Variants in RORB observed in about 807,000 individuals in gnomAD.
The protein encoded by RORB is nuclear receptor ROR-beta.
A neutral mutation model predicts 59.1 loss-of-function variants in RORB; 6 were observed. The observed-to-expected ratio is 0.10, with a 90% CI of 0.06 to 0.20. The LOEUF (loss-of-function observed/expected upper bound fraction) is 0.20. Among genes scored for constraint, RORB ranks in the 10% least tolerant of loss-of-function variants. RORB has a pLI of 1.00. For missense variants in RORB, 320 were observed against 560.5 expected, an observed-to-expected ratio of 0.57 and a Z score of 4.33; for synonymous variants, 215 against 204.5, an observed-to-expected ratio of 1.05 and a Z score of -0.44.
At chr9:74,608,942 A>AT (rs1823190890) in intron 1 of RORB, among the ~76,000 whole-genome samples, 1 of 152,218 alleles carries the variant, frequency 6.6e-6, no homozygotes, top group African/African-American at 2.4e-5. Flanking sequence ...GCCAATACAG[A>AT]TTTGACAGAA....
intron 1 of RORB, among the ~76,000 whole-genome samples, chr9:74,595,844 G>A (rs1822962894): frequency 6.6e-6 from 1 of 152,106 alleles, no homozygotes; most frequent in African/African-American, 2.4e-5. Flanking sequence ...TTACTCTATT[G>A]GGGGCACCTA....
At chr9:74,669,127 C>A (rs1211243002) in intron 8 of RORB, among the ~76,000 whole-genome samples, 2 of 152,174 alleles carry the variant, frequency 1.3e-5, no homozygotes, top group Non-Finnish European at 2.9e-5. Context: ...TTAAAGAATT[C>A]AAGGTGTGGC....
At chr9:74,585,784 A>ATAGTTATTTATTTATTTATT (rs1822788991) in intron 1 of RORB, among the ~76,000 whole-genome samples, 1 of 145,020 alleles carries the variant, frequency 6.9e-6, no homozygotes, top group Admixed American at 6.9e-5. Flanking sequence ...TTCACAGGGG[A>ATAGTTATTTATTTATTTATT]TATTTATTTA....
intron 1 of RORB, among the ~76,000 whole-genome samples, chr9:74,605,939 A>G (rs1034495132): frequency 1.3e-5 from 2 of 152,168 alleles, no homozygotes; most frequent in African/African-American, 4.8e-5. Context: ...GAGGTGGGTC[A>G]GGGAATTTGT....
intron 1 of RORB, among the ~76,000 whole-genome samples, chr9:74,546,314 C>A (rs1018489718): frequency 6.6e-6 from 1 of 152,042 alleles, no homozygotes; most frequent in African/African-American, 2.4e-5. Flanking sequence ...ATTGCTGAAG[C>A]AGCTGATATC....
chr9:74,593,828 C>A (rs1436345173), intron 1 of RORB, among the ~76,000 whole-genome samples: 1 of 152,132 alleles, frequency 6.6e-6, no homozygotes, highest in African/African-American at 2.4e-5. Flanking sequence ...TAAAGCATGG[C>A]CATCTGGTGC....
chr9:74,604,326 A>G (rs1206869732), intron 1 of RORB, among the ~76,000 whole-genome samples: 1 of 152,196 alleles, frequency 6.6e-6, no homozygotes, highest in African/African-American at 2.4e-5. Flanking sequence ...CAGAATAAGC[A>G]CTTTTCTAAA....
intron 1 of RORB, among the ~76,000 whole-genome samples, chr9:74,535,952 G>A (rs1826316768): frequency 6.6e-6 from 1 of 152,018 alleles, no homozygotes; most frequent in African/African-American, 2.4e-5. Flanking sequence ...ATAAGGGATA[G>A]TAGGTCCTGG....
chr9:74,614,381 CT>C lies in RORB; in HGVS notation c.8-15893del, dbSNP rs558813750. Among the ~76,000 whole-genome samples, 932 of 151,408 alleles carry C rather than the reference CT, an allele frequency of 6.2e-3. 9 individuals carry two copies. The highest frequency in any genetic ancestry group is 0.021 in the South Asian group (102 of 4,772). ...ACTTTTTTAAATTAAAAGACAACCT[CT>C]TTTTTTTAAAAAAAAGCCATTTGTC... On this transcript the variant is annotated intron_variant, in intron 1 of 9. Transcript: ENST00000376896.
intron 1 of RORB, among the ~76,000 whole-genome samples, chr9:74,595,100 C>A (rs1351329483): frequency 6.6e-6 from 1 of 152,194 alleles, no homozygotes; most frequent in Non-Finnish European, 1.5e-5. Context: ...GTCCCAGAAA[C>A]ATAAGGTATG....
At chr9:74,599,747 CAGAACT>C (rs1823026056) in intron 1 of RORB, among the ~76,000 whole-genome samples, 1 of 152,202 alleles carries the variant, frequency 6.6e-6, no homozygotes, top group South Asian at 2.1e-4. Context: ...GTGGCAGGGC[CAGAACT>C]CTGACTCCAT....
intron 1 of RORB, among the ~76,000 whole-genome samples, chr9:74,612,364 T>C (rs1248941390): frequency 6.6e-6 from 1 of 151,876 alleles, no homozygotes; most frequent in Non-Finnish European, 1.5e-5. Context: ...CTGGCCCGGG[T>C]TGTAGAAAGG....
chr9:74,614,529 A>G (rs1420454900), intron 1 of RORB, among the ~76,000 whole-genome samples: 1 of 152,146 alleles, frequency 6.6e-6, no homozygotes, highest in Non-Finnish European at 1.5e-5. Flanking sequence ...TAACCATTTT[A>G]CTATGTACAA....
chr9:74,624,662 T>C (rs1823481308), intron 1 of RORB, among the ~76,000 whole-genome samples: 11 of 152,198 alleles, frequency 7.2e-5, no homozygotes, highest in Admixed American at 7.2e-4. Flanking sequence ...TTGTACCTAA[T>C]AGAGATAGAT....
chr9:74,691,325 C>T lies in RORB; in HGVS notation c.*5707C>T, dbSNP rs1587427281. On this transcript the variant is annotated 3_prime_UTR_variant, in exon 10 of 10. Coordinates refer to ENST00000376896, the MANE Select transcript of RORB (RefSeq NM_006914.4). ...TGGGCAGCATGATCCTTGTATTCAA[C>T]TATACTCTTCTGGCAGTAGTTGGTG... is the stretch of plus-strand genomic sequence containing the variant. 6.6e-6 allele frequency: 1 copy of T among 152,308 alleles called. No individual in the cohort carries two copies. The highest frequency in any genetic ancestry group is 1.9e-4 in the East Asian group (1 of 5,174). The allele number at this position is 152,308 out of a possible 1,614,324, so 9.4% of individuals were successfully genotyped here.
intron 1 of RORB, among the ~76,000 whole-genome samples, chr9:74,581,580 C>G (rs774929968): frequency 6.6e-6 from 1 of 152,128 alleles, no homozygotes; most frequent in Admixed American, 6.5e-5. Context: ...GTTTGCAGAC[C>G]TCAAACCAAA....
At chr9:74,536,180 G>C (rs574651878) in intron 1 of RORB, among the ~76,000 whole-genome samples, 2 of 151,952 alleles carry the variant, frequency 1.3e-5, no homozygotes, top group Non-Finnish European at 2.9e-5. Context: ...ATAACATCTT[G>C]TTTTTAAAAG....
intron 1 of RORB, among the ~76,000 whole-genome samples, chr9:74,562,023 T>C (rs1396665221): frequency 6.6e-6 from 1 of 152,190 alleles, no homozygotes; most frequent in Non-Finnish European, 1.5e-5. Flanking sequence ...CATAAAAACA[T>C]TGTATCCCTT....
chr9:74,600,681 A>G (rs563496272), intron 1 of RORB, among the ~76,000 whole-genome samples: 120 of 152,296 alleles, frequency 7.9e-4, no homozygotes, highest in Non-Finnish European at 1.4e-3. Flanking sequence ...AAATATTTCA[A>G]AGGTTTTAGA....
Sources: gnomAD v4.1 joint callset for allele counts (sites outside exome capture counted in the v4.1 genomes callset) on GRCh38, gnomAD v4.1.1 for gene constraint, MANE v1.5 for transcripts, NCBI Gene and HGNC (gene_info 2026-07-23, HGNC 2026-07-21) for gene names.